The following STMN3 variants were observed in gnomAD, a reference collection of about 807,000 sequenced individuals.
STMN3 encodes the protein stathmin-3.
A neutral mutation model predicts 23.2 loss-of-function variants in STMN3; 24 were observed. The ratio of observed to expected loss-of-function variants is 1.03; its 90% CI spans 0.75 to 1.45. The LOEUF (loss-of-function observed/expected upper bound fraction) is 1.45, where lower values mean the gene tolerates loss of function less well. Ranked by LOEUF, STMN3 falls within the 40% of genes most tolerant of loss-of-function variation. STMN3 has a pLI of 0.00. For synonymous variants in STMN3, 117 were observed against 103.4 expected, an observed-to-expected ratio of 1.13 and a Z score of -0.80; for missense variants, 235 against 237.6, an observed-to-expected ratio of 0.99 and a Z score of 0.07.
intron 1 of STMN3, among the ~76,000 whole-genome samples, chr20:63,650,661 A>G (rs6010992): frequency 0.83 from 42,654 of 51,090 alleles, 18,476 homozygotes; most frequent in African/African-American, 0.95. Flanking sequence ...CCTGACGCCC[A>G]CCCGGGTGGA....
chr20:63,643,901 G>A lies in STMN3; in HGVS notation c.146C>T (p.Ala49Val). The change falls in exon 3 of 5, where the codon GCC becomes GTC. Residue 49 changes from alanine (A) to valine (V), a missense_variant. By Grantham distance (64) the Ala-to-Val change is moderately conservative. Transcript: ENST00000370053. ...DMEVKQLDKRASGQSFEVILK... is the reference protein window; with the variant it reads ...DMEVKQLDKRVSGQSFEVILK... Reference sequence around the variant, plus strand: ...GATGACCTCGAAGCTCTGGCCTGAGGCCCGCTTGTCCAGCTGCTTCACCTC... The same window carrying A: ...GATGACCTCGAAGCTCTGGCCTGAGACCCGCTTGTCCAGCTGCTTCACCTC... 1 of 1,599,254 alleles carries A rather than the reference G, an allele frequency of 6.3e-7. No homozygotes were observed. Among genetic ancestry groups the A allele is most frequent in the Non-Finnish European group, 8.5e-7 (1 of 1,176,238 alleles).
rs990180053 is a variant in STMN3, at chr20:63,652,618, G to A, written c.19+709C>T. On this transcript the variant is annotated intron_variant, in intron 1 of 4. Transcript: ENST00000370053. The surrounding 1 kb of genome is among the most constrained non-coding windows in gnomAD (Gnocchi z 5.3). ...CCCCGCGGGAGGTGGAGGGGCGGGA[G>A]GGGCGGAGCCCTCTGGTCTCCGGAG... 29 of 985,354 alleles carry A rather than the reference G, an allele frequency of 2.9e-5. No individual in the cohort carries two copies. Among genetic ancestry groups the A allele is most frequent in the Admixed American group, 6.1e-5 (1 of 16,268 alleles). 61.0% of individuals were successfully genotyped at this position (985,354 alleles called of 1,614,324 possible).
chr20:63,651,517 C>G (rs965546545), intron 1 of STMN3, among the ~76,000 whole-genome samples: 1 of 152,180 alleles, frequency 6.6e-6, no homozygotes, highest in East Asian at 1.9e-4. Context: ...GGCTGCTTCT[C>G]ATGGTGCCAG....
At chr20:63,644,362 GC>G in intron 1 of STMN3, 53 bp from the exon 2 acceptor site, 3 of 1,451,368 alleles carry the variant, frequency 2.1e-6, no homozygotes, top group South Asian at 2.4e-5. Flanking sequence ...GCCCACCTGG[GC>G]CCCCGTTTTC....
In STMN3 at chr20:63,645,947, C is replaced by T. The variant is rs552080620; in HGVS notation, c.20-1638G>A. Among the ~76,000 whole-genome samples, 6 of 151,756 alleles carry T rather than the reference C, an allele frequency of 4.0e-5. No homozygotes were observed. The East Asian group carries it at 5.8e-4, about 15-fold the overall frequency. The stretch of plus-strand genomic sequence containing the variant: ...CAGCCTGGGTGACAGTGTGAGACTC[C>T]GTCTCAAAACAGAAAGAAAAAGAGA... On this transcript the variant is annotated intron_variant, in intron 1 of 4. Coordinates refer to ENST00000370053, the MANE Select transcript of STMN3 (RefSeq NM_015894.4).
At chr20:63,644,853 C>T (rs2089797283) in intron 1 of STMN3, among the ~76,000 whole-genome samples, 1 of 152,344 alleles carries the variant, frequency 6.6e-6, no homozygotes, top group Admixed American at 6.5e-5. Flanking sequence ...CCTCTCCAGG[C>T]ACCGACTCTG....
rs181545981 is a variant in STMN3 at position 63,650,920 on chromosome 20, C to T, written c.19+2407G>A. ...GGATGCCCTTATCAGCTCTCCTTCT[C>T]CTTCTCTTTCGTCTTCTTCGTCTTC... On this transcript the variant is annotated intron_variant, in intron 1 of 4. Transcript: ENST00000370053. 1.2e-3 allele frequency among the ~76,000 whole-genome samples: 165 copies of T among 141,708 alleles called. 2 individuals are homozygous for T. Among genetic ancestry groups the T allele is most frequent in the African/African-American group, 4.1e-3 (161 of 38,854 alleles). 93.0% of individuals were successfully genotyped at this position (141,708 alleles called of 152,430 possible). A position where few individuals can be genotyped will look rare whatever the true frequency, so the allele number is the denominator to read the frequency against.
intron 1 of STMN3, among the ~76,000 whole-genome samples, chr20:63,647,889 T>C (rs2089826893): frequency 7.7e-6 from 1 of 130,200 alleles, no homozygotes; most frequent in Non-Finnish European, 1.6e-5. Context: ...TATTAATATA[T>C]ATACGTATAT....
At position 63,643,710 on chromosome 20, in the gene STMN3, G is replaced by A. The variant is rs767952407; in HGVS notation, c.291+46C>T. 23 of 1,483,926 alleles carry A rather than the reference G, an allele frequency of 1.5e-5. No individual in the cohort carries two copies. In the Admixed American group the frequency reaches 4.1e-4, roughly 26 times the overall value. The allele number at this position is 1,483,926 out of a possible 1,614,324, so 91.9% of individuals were successfully genotyped here. The stretch of plus-strand genomic sequence containing the variant: ...CTTGCAGGCCCTGTCCCCGTGGGCC[G>A]CCTCCGTTGAAACTCCTGGGGGGTG... On this transcript the variant is annotated intron_variant, in intron 3 of 4. Coordinates refer to ENST00000370053, the MANE Select transcript of STMN3 (RefSeq NM_015894.4).
Position 63,653,385 on chromosome 20 carries a change from G to T in STMN3, c.-40C>A. 2 of 1,528,178 alleles carry T rather than the reference G, an allele frequency of 1.3e-6. No individual in the cohort carries two copies. Among genetic ancestry groups the T allele is most frequent in the Non-Finnish European group, 8.8e-7 (1 of 1,137,214 alleles). The allele number at this position is 1,528,178 out of a possible 1,614,324, so 94.7% of individuals were successfully genotyped here. On this transcript the variant is annotated 5_prime_UTR_variant, in exon 1 of 5. Transcript: ENST00000370053. ...TTGGGCCTGCGGAGGCTGGAGAGGC[G>T]CAAGTGGCGGCCGGAGCTGCAGACG...
intron 1 of STMN3, among the ~76,000 whole-genome samples, chr20:63,646,561 G>T (rs1178354420): frequency 6.6e-6 from 1 of 151,698 alleles, no homozygotes; most frequent in African/African-American, 2.4e-5. Flanking sequence ...CACTATATTA[G>T]CCAGGATAGT....
Position 63,647,991 on chromosome 20 carries a change from T to TACATATATATATACACAC in STMN3, c.20-3683_20-3682insGTGTGTATATATATATGT, listed in dbSNP as rs1555897557. 2.6e-5 allele frequency among the ~76,000 whole-genome samples: 2 copies of TACATATATATATACACAC among 75,892 alleles called. 1 individual carries two copies. Among genetic ancestry groups the TACATATATATATACACAC allele is most frequent in the African/African-American group, 9.7e-5 (2 of 20,602 alleles). The allele number at this position is 75,892 out of a possible 152,430, so 49.8% of individuals were successfully genotyped here. Reference sequence around the variant, plus strand: ...ATATATATATATATACATATATATATACAGAGAGAGAGAGAGTAGTGATAG... The same window carrying TACATATATATATACACAC: ...ATATATATATATATACATATATATATACATATATATATACACACACAGAGAGAGAGAGAGTAGTGATAG... On this transcript the variant is annotated intron_variant, in intron 1 of 4. Transcript: ENST00000370053.
intron 1 of STMN3, among the ~76,000 whole-genome samples, chr20:63,645,559 G>A (rs770881204): frequency 1.2e-4 from 19 of 152,314 alleles, no homozygotes; most frequent in Non-Finnish European, 2.5e-4. Flanking sequence ...AGAGGAAGGC[G>A]CCTGCTGTCA....
chr20:63,647,970 A>G lies in STMN3; in HGVS notation c.20-3661T>C, dbSNP rs1284485532. 7.1e-3 allele frequency among the ~76,000 whole-genome samples: 615 copies of G among 86,962 alleles called. 111 individuals are homozygous for G. The highest frequency in any genetic ancestry group is 0.01 in the Non-Finnish European group (465 of 45,128). The allele number at this position is 86,962 out of a possible 152,430, so 57.1% of individuals were successfully genotyped here. A position where few individuals can be genotyped will look rare whatever the true frequency, so the allele number is the denominator to read the frequency against. On this transcript the variant is annotated intron_variant, in intron 1 of 4. Transcript: ENST00000370053. ...TGTGTATATATATATGTATATATAT[A>G]TATATATATACATATATATATACAG...
At position 63,652,667 on chromosome 20, in the gene STMN3, T is replaced by G. The variant is rs1484631751; in HGVS notation, c.19+660A>C. 6 of 985,426 alleles carry G rather than the reference T, an allele frequency of 6.1e-6. No homozygotes were observed. The East Asian group carries it at 6.9e-4, about 113-fold the overall frequency. The allele number at this position is 985,426 out of a possible 1,614,324, so 61.0% of individuals were successfully genotyped here. On this transcript the variant is annotated intron_variant, in intron 1 of 4. Coordinates refer to ENST00000370053, the MANE Select transcript of STMN3 (RefSeq NM_015894.4). The surrounding 1 kb of genome is among the most constrained non-coding windows in gnomAD (Gnocchi z 5.3). The stretch of plus-strand genomic sequence containing the variant: ...AGGGTTTGGGGATCGCAGTCGCCCC[T>G]CCCCCATCCAGACCCCGCGGCGCAA...
chr20:63,647,958 A>ATGTG lies in STMN3; in HGVS notation c.20-3650_20-3649insCACA, dbSNP rs1315079081. On this transcript the variant is annotated intron_variant, in intron 1 of 4. Coordinates refer to ENST00000370053, the MANE Select transcript of STMN3 (RefSeq NM_015894.4). ...TATATGTGTGTGTGTGTATATATAT[A>ATGTG]TGTATATATATATATATATATACAT... 9.1e-3 allele frequency among the ~76,000 whole-genome samples: 676 copies of ATGTG among 74,564 alleles called. 51 individuals are homozygous for ATGTG. Among genetic ancestry groups the ATGTG allele is most frequent in the Admixed American group, 0.017 (112 of 6,608 alleles). 48.9% of individuals were successfully genotyped at this position (74,564 alleles called of 152,430 possible).
Position 63,641,272 on chromosome 20 carries a change from T to C in STMN3, c.*66A>G. The C allele has an allele frequency of 1.4e-6, 2 of 1,453,620 alleles. No homozygotes were observed. Among genetic ancestry groups the C allele is most frequent in the Non-Finnish European group, 9.4e-7 (1 of 1,061,120 alleles). The allele number at this position is 1,453,620 out of a possible 1,614,324, so 90.0% of individuals were successfully genotyped here. A position where few individuals can be genotyped will look rare whatever the true frequency, so the allele number is the denominator to read the frequency against. On this transcript the variant is annotated 3_prime_UTR_variant, in exon 5 of 5. Transcript: ENST00000370053. ...AACAAAAGTTGCATCTAGACAGAGG[T>C]GAACGAAACAAAACCAAAACCCGAA...
At chr20:63,648,206 A>G (rs971383722) in intron 1 of STMN3, among the ~76,000 whole-genome samples, 1 of 151,884 alleles carries the variant, frequency 6.6e-6, no homozygotes, top group Non-Finnish European at 1.5e-5. Context: ...GCAGCAGGTC[A>G]GGAGACATTG....
intron 1 of STMN3, among the ~76,000 whole-genome samples, chr20:63,647,902 ACACG>A (rs2089827422): frequency 5.8e-4 from 75 of 128,380 alleles, no homozygotes; most frequent in Middle Eastern, 3.8e-3. Context: ...ACGTATATAT[ACACG>A]TGTGTATATA....
Sources: allele counts gnomAD v4.1 joint callset (sites outside exome capture counted in the v4.1 genomes callset), GRCh38; gene constraint gnomAD v4.1.1; non-coding constraint Gnocchi (gnomAD v3.1); transcripts MANE v1.5; gene names NCBI Gene and HGNC (gene_info 2026-07-23, HGNC 2026-07-21).